GALNT5: variants seen among roughly 807,000 people sequenced by gnomAD.
GALNT5 encodes polypeptide N-acetylgalactosaminyltransferase 5.
In GALNT5, 72 loss-of-function variants were observed where a neutral mutation model predicts 85.4. The ratio of observed to expected loss-of-function variants is 0.84; its 90% CI spans 0.70 to 1.03. The LOEUF (loss-of-function observed/expected upper bound fraction) is 1.03, where lower values mean the gene tolerates loss of function less well. Ranked by LOEUF, GALNT5 falls within the 50% of genes least tolerant of loss-of-function variation. The pLI is 0.00. For synonymous variants in GALNT5, 404 were observed against 397.0 expected (o/e 1.02, Z -0.21); for missense variants, 1,137 against 1,135.5 (o/e 1.00, Z -0.02).
intron 1 of GALNT5, among the ~76,000 whole-genome samples, chr2:157,267,936 GC>G (rs1423295750): frequency 6.6e-6 from 1 of 152,144 alleles, no homozygotes; most frequent in African/African-American, 2.4e-5. Context: ...AGGGAAAGCA[GC>G]CCCAACAATT....
chr2:157,288,989 T>C (rs1433963550), intron 3 of GALNT5, among the ~76,000 whole-genome samples: 1 of 152,166 alleles, frequency 6.6e-6, no homozygotes, highest in African/African-American at 2.4e-5. Context: ...TGGTGGGTGG[T>C]AGGCTCAAAA....
intron 7 of GALNT5, chr2:157,302,594 AG>A (rs1241583587): frequency 6.6e-6 from 1 of 151,568 alleles, no homozygotes; most frequent in Admixed American, 6.6e-5. Flanking sequence ...AAAAAAAAAA[AG>A]AAAGGAATTT....
intron 7 of GALNT5, among the ~76,000 whole-genome samples, chr2:157,303,107 G>A (rs925700429): frequency 2.6e-5 from 4 of 152,090 alleles, no homozygotes; most frequent in African/African-American, 9.7e-5. Context: ...TCCAGTGAAA[G>A]TTTTGTGTTT....
chr2:157,263,551 GTC>G (rs1682396261), intron 1 of GALNT5, among the ~76,000 whole-genome samples: 1 of 152,134 alleles, frequency 6.6e-6, no homozygotes, highest in Admixed American at 6.5e-5. Flanking sequence ...ATCCTTGAAC[GTC>G]TGTTTTTCCT....
intron 1 of GALNT5, among the ~76,000 whole-genome samples, chr2:157,262,882 C>T (rs931955812): frequency 7.4e-6 from 1 of 136,030 alleles, no homozygotes; most frequent in Non-Finnish European, 1.5e-5. Flanking sequence ...AGGCTGAGCG[C>T]AGTGGTGCGA....
chr2:157,268,710 G>A (rs550260860), intron 1 of GALNT5, among the ~76,000 whole-genome samples: 2 of 152,256 alleles, frequency 1.3e-5, no homozygotes, highest in South Asian at 4.2e-4. Context: ...CTAAGTGCAG[G>A]ATAGTGAAAC....
intron 2 of GALNT5, among the ~76,000 whole-genome samples, chr2:157,285,480 G>C (rs932009975): frequency 2.6e-5 from 4 of 152,190 alleles, no homozygotes; most frequent in Non-Finnish European, 5.9e-5. Context: ...ATGACTGTAA[G>C]TCACATAAAC....
chr2:157,276,771 G>C (rs1268947737), intron 1 of GALNT5, among the ~76,000 whole-genome samples: 2 of 150,640 alleles, frequency 1.3e-5, no homozygotes, highest in Non-Finnish European at 2.9e-5. Flanking sequence ...CAAAAAACTA[G>C]CTCCTGGATT....
chr2:157,307,647 C>T (rs978839630), intron 8 of GALNT5, among the ~76,000 whole-genome samples: 8 of 152,168 alleles, frequency 5.3e-5, no homozygotes, highest in African/African-American at 1.9e-4. Flanking sequence ...AAGGACCACC[C>T]TTCCAATGGC....
At chr2:157,277,127 C>G (rs1682748348) in intron 1 of GALNT5, among the ~76,000 whole-genome samples, 1 of 152,172 alleles carries the variant, frequency 6.6e-6, no homozygotes, top group Admixed American at 6.5e-5. Context: ...TGTAGTTGTG[C>G]AGTTTTGAGT....
At chr2:157,301,674 A>C (rs1683345924) in intron 7 of GALNT5, 1 of 152,444 alleles carries the variant, frequency 6.6e-6, no homozygotes, top group African/African-American at 2.4e-5. Flanking sequence ...TAAGGATTTT[A>C]TTTCTTTCCT....
Position 157,285,295 on chromosome 2 carries a change from A to G in GALNT5, c.1622-720A>G, listed in dbSNP as rs187347775. Reference sequence around the variant, plus strand: ...TGTGGCCTTGGAAGCATAAACAGGAATAGTACCCAATTAGTAAGTAGATAG... The same window carrying G: ...TGTGGCCTTGGAAGCATAAACAGGAGTAGTACCCAATTAGTAAGTAGATAG... On this transcript the variant is annotated intron_variant, in intron 2 of 9. Coordinates refer to ENST00000259056, the MANE Select transcript of GALNT5 (RefSeq NM_014568.3). Among the ~76,000 whole-genome samples, 4 of 152,318 alleles carry G rather than the reference A, an allele frequency of 2.6e-5. No homozygotes were observed. In the East Asian group the frequency reaches 7.7e-4, roughly 29 times the overall value.
At chr2:157,273,986 C>G (rs73020692) in intron 1 of GALNT5, among the ~76,000 whole-genome samples, 2 of 151,800 alleles carry the variant, frequency 1.3e-5, no homozygotes, top group African/African-American at 2.4e-5. Context: ...CCCCCCACCC[C>G]CTAAAAGGCC....
intron 3 of GALNT5, among the ~76,000 whole-genome samples, chr2:157,286,866 A>G (rs1682986123): frequency 6.9e-6 from 1 of 144,654 alleles, no homozygotes; most frequent in Non-Finnish European, 1.5e-5. Flanking sequence ...TGAAAAGTCA[A>G]CTCCTCACAC....
At chr2:157,289,084 A>C (rs1382979787) in intron 3 of GALNT5, among the ~76,000 whole-genome samples, 2 of 152,182 alleles carry the variant, frequency 1.3e-5, no homozygotes, top group African/African-American at 4.8e-5. Context: ...CATGCACAGA[A>C]AGTAGAATAC....
At chr2:157,279,092 T>C (rs1407714958) in intron 1 of GALNT5, among the ~76,000 whole-genome samples, 1 of 152,228 alleles carries the variant, frequency 6.6e-6, no homozygotes, top group Non-Finnish European at 1.5e-5. Flanking sequence ...GCAGATCTGT[T>C]GGAGTTTGCT....
intron 7 of GALNT5, among the ~76,000 whole-genome samples, chr2:157,305,217 G>A (rs763032404): frequency 6.6e-6 from 1 of 152,112 alleles, no homozygotes; most frequent in Non-Finnish European, 1.5e-5. Context: ...ATTAGCTTTC[G>A]TGACTTTCCT....
At chr2:157,309,544 A>G (rs1406427804) in intron 9 of GALNT5, among the ~76,000 whole-genome samples, 2 of 152,128 alleles carry the variant, frequency 1.3e-5, no homozygotes, top group Non-Finnish European at 2.9e-5. Context: ...ATTTTCTACA[A>G]TCTCTCCAGC....
At chr2:157,272,892 C>T (rs949141243) in intron 1 of GALNT5, among the ~76,000 whole-genome samples, 13 of 152,136 alleles carry the variant, frequency 8.5e-5, no homozygotes, top group African/African-American at 3.1e-4. Flanking sequence ...ATTGCTTGCT[C>T]AAATGGTAGT....
Sources: gnomAD v4.1 joint callset for allele counts (sites outside exome capture counted in the v4.1 genomes callset) on GRCh38, gnomAD v4.1.1 for gene constraint, MANE v1.5 for transcripts, NCBI Gene and HGNC (gene_info 2026-07-23, HGNC 2026-07-21) for gene names.